The following WWOX variants were observed in gnomAD, a reference collection of about 807,000 sequenced individuals.
WWOX encodes the protein WW domain-containing oxidoreductase.
Under a neutral mutation model 46.2 loss-of-function variants are expected in WWOX, and 69 were observed. The observed-to-expected ratio is 1.49, with a 90% confidence interval of 1.23 to 1.82. WWOX has a LOEUF of 1.82. Among genes scored for constraint, WWOX ranks in the 40% most tolerant of loss-of-function variants. WWOX has a pLI of 0.00. For missense variants in WWOX, 919 were observed against 542.6 expected (o/e 1.69, Z -6.89); for synonymous variants, 359 against 202.6 (o/e 1.77, Z -6.56).
At chr16:79,048,026 A>G (rs2048097961) in intron 8 of WWOX, among the ~76,000 whole-genome samples, 1 of 152,090 alleles carries the variant, frequency 6.6e-6, no homozygotes, top group African/African-American at 2.4e-5. Context: ...GTGGCTATAG[A>G]CTGGCATCCC....
At chr16:78,454,967 G>T (rs1262611433) in intron 8 of WWOX, among the ~76,000 whole-genome samples, 2 of 152,208 alleles carry the variant, frequency 1.3e-5, no homozygotes, top group Non-Finnish European at 2.9e-5. Context: ...AATGTTCATT[G>T]AGTGCCCCAC....
chr16:79,134,439 C>T (rs1026410820), intron 8 of WWOX, among the ~76,000 whole-genome samples: 4 of 152,142 alleles, frequency 2.6e-5, no homozygotes, highest in Admixed American at 2.6e-4. Flanking sequence ...TGAAGTTATA[C>T]AGGGTCCTGT....
intron 8 of WWOX, among the ~76,000 whole-genome samples, chr16:78,973,004 A>C (rs1446036260): frequency 6.6e-6 from 1 of 152,170 alleles, no homozygotes; most frequent in Non-Finnish European, 1.5e-5. Context: ...CTCCGATCGC[A>C]TTGAAGAGTT....
At chr16:78,395,912 T>G (rs1193501787) in intron 6 of WWOX, among the ~76,000 whole-genome samples, 2 of 152,220 alleles carry the variant, frequency 1.3e-5, no homozygotes, top group South Asian at 2.1e-4. Context: ...TCCTCTTGAT[T>G]TTAGGCATCT....
At chr16:78,497,377 A>G (rs1323402388) in intron 8 of WWOX, among the ~76,000 whole-genome samples, 2 of 152,248 alleles carry the variant, frequency 1.3e-5, no homozygotes, top group African/African-American at 4.8e-5. Flanking sequence ...AGAAGAAAAC[A>G]AGGAGGAAAG....
chr16:78,361,082 C>T (rs1369436190), intron 5 of WWOX, among the ~76,000 whole-genome samples: 1 of 152,118 alleles, frequency 6.6e-6, no homozygotes, highest in African/African-American at 2.4e-5. Context: ...CTCGGCTTCC[C>T]AAAGTGCTGG....
chr16:78,763,650 A>G (rs557258484), intron 8 of WWOX, among the ~76,000 whole-genome samples: 54 of 152,340 alleles, frequency 3.5e-4, no homozygotes, highest in Middle Eastern at 3.4e-3. Flanking sequence ...CCCAGCACCT[A>G]GTACAGTGCC....
intron 8 of WWOX, among the ~76,000 whole-genome samples, chr16:78,811,940 A>G (rs1372250672): frequency 6.6e-6 from 1 of 152,202 alleles, no homozygotes; most frequent in African/African-American, 2.4e-5. Context: ...TGAGGAATAA[A>G]TGGAATTTTT....
chr16:78,197,376 C>T (rs1178662080), intron 5 of WWOX, among the ~76,000 whole-genome samples: 1 of 152,222 alleles, frequency 6.6e-6, no homozygotes, highest in Non-Finnish European at 1.5e-5. Flanking sequence ...CACCACACCA[C>T]ATCAAGTATA....
At chr16:78,944,745 G>C (rs2045917612) in intron 8 of WWOX, among the ~76,000 whole-genome samples, 1 of 152,196 alleles carries the variant, frequency 6.6e-6, no homozygotes, top group African/African-American at 2.4e-5. Flanking sequence ...TGCTGCTTAT[G>C]ACACTGATCC....
intron 8 of WWOX, among the ~76,000 whole-genome samples, chr16:78,555,696 C>T (rs1567641446): frequency 1.3e-5 from 2 of 151,420 alleles, no homozygotes; most frequent in African/African-American, 4.9e-5. Context: ...ACCCTTTGGA[C>T]TGGAAGTAAG....
intron 8 of WWOX, among the ~76,000 whole-genome samples, chr16:78,732,608 C>G (rs530405892): frequency 4.6e-5 from 7 of 152,232 alleles, no homozygotes; most frequent in South Asian, 2.1e-4. Flanking sequence ...GGGCTATGCT[C>G]TAATCAATAA....
chr16:78,977,575 G>C (rs552476668), intron 8 of WWOX, among the ~76,000 whole-genome samples: 2 of 152,016 alleles, frequency 1.3e-5, no homozygotes, highest in Non-Finnish European at 2.9e-5. Flanking sequence ...TTTCTTTGAG[G>C]GGCTATAAAA....
At chr16:79,197,886 A>T (rs1008100513) in intron 8 of WWOX, among the ~76,000 whole-genome samples, 31 of 152,132 alleles carry the variant, frequency 2.0e-4, no homozygotes, top group African/African-American at 7.5e-4. Context: ...TCACTTTCCA[A>T]TCAGCAGGAA....
At position 79,123,108 on chromosome 16, in the gene WWOX, G is replaced by A. The variant is rs144149997; in HGVS notation, c.1057-88500G>A. ...TCTGGTCTTGTAATTTCTGGTCTGT[G>A]CGTGCTGTATAAGGAAGAAGGTTTG... On this transcript the variant is annotated intron_variant, in intron 8 of 8. Coordinates refer to ENST00000566780, the MANE Select transcript of WWOX (RefSeq NM_016373.4). Among the ~76,000 whole-genome samples, 322 of 152,302 alleles carry A rather than the reference G, an allele frequency of 2.1e-3. 3 individuals carry two copies. Among genetic ancestry groups the A allele is most frequent in the African/African-American group, 7.4e-3 (309 of 41,556 alleles).
Position 78,674,307 on chromosome 16 carries a change from AAG to A in WWOX, c.1056+241558_1056+241559del, listed in dbSNP as rs1436182941. Among the ~76,000 whole-genome samples, 3 of 150,130 alleles carry A rather than the reference AAG, an allele frequency of 2.0e-5. No individual in the cohort carries two copies. In the East Asian group the frequency reaches 5.9e-4, roughly 29 times the overall value. On this transcript the variant is annotated intron_variant, in intron 8 of 8. Transcript: ENST00000566780. ...TTTTTTTTTTTTTCTTTTTTCGAGA[AAG>A]AGTTTTGCTCTTTTCCCCAGGCTGG...
intron 8 of WWOX, among the ~76,000 whole-genome samples, chr16:78,827,360 G>A (rs1334448315): frequency 6.6e-6 from 1 of 152,088 alleles, no homozygotes; most frequent in East Asian, 1.9e-4. Flanking sequence ...GATGAGGAAG[G>A]TAAGGCTCGG....
chr16:78,709,361 G>T (rs1357553345), intron 8 of WWOX, among the ~76,000 whole-genome samples: 2 of 152,222 alleles, frequency 1.3e-5, no homozygotes, highest in Non-Finnish European at 2.9e-5. Context: ...CTGGCTGAAG[G>T]AAAGCCCGCG....
At chr16:78,623,156 C>A (rs1388551068) in intron 8 of WWOX, among the ~76,000 whole-genome samples, 7 of 150,722 alleles carry the variant, frequency 4.6e-5, no homozygotes, top group African/African-American at 7.3e-5. Context: ...GATGGAGAAC[C>A]CAGCTCAGCC....
Sources: allele counts gnomAD v4.1 joint callset (sites outside exome capture counted in the v4.1 genomes callset), GRCh38; gene constraint gnomAD v4.1.1; transcripts MANE v1.5; gene names NCBI Gene and HGNC (gene_info 2026-07-23, HGNC 2026-07-21).